NKAIN2: variants seen among roughly 807,000 people sequenced by gnomAD.
NKAIN2 encodes the protein sodium/potassium-transporting ATPase subunit beta-1-interacting protein 2.
NKAIN2 carries 14 observed loss-of-function variants against 32.6 expected under a neutral mutation model. The observed-to-expected ratio is 0.43, with a 90% CI of 0.28 to 0.67. NKAIN2 has a LOEUF of 0.67. NKAIN2 is among the 30% of genes least tolerant of loss of function. The pLI, the probability that NKAIN2 is intolerant of heterozygous loss-of-function variation, is 0.17. For missense variants in NKAIN2, 198 were observed against 258.3 expected (o/e 0.77, Z 1.60); for synonymous variants, 80 against 87.2 (o/e 0.92, Z 0.46).
At chr6:124,671,673 C>A (rs922513512) in intron 4 of NKAIN2, among the ~76,000 whole-genome samples, 9 of 152,048 alleles carry the variant, frequency 5.9e-5, no homozygotes, top group African/African-American at 2.2e-4. Context: ...CTATATAGAG[C>A]CTCATGATAA....
chr6:124,770,435 A>G (rs922318192), intron 4 of NKAIN2, among the ~76,000 whole-genome samples: 42 of 152,228 alleles, frequency 2.8e-4, no homozygotes, highest in Admixed American at 5.9e-4. Flanking sequence ...ATCTGTGTAC[A>G]ATGTGCTGAA....
chr6:124,570,272 A>G (rs1781077160), intron 3 of NKAIN2, among the ~76,000 whole-genome samples: 1 of 152,216 alleles, frequency 6.6e-6, no homozygotes, highest in African/African-American at 2.4e-5. Flanking sequence ...AGTAAAGAAA[A>G]GCCCATTTTT....
intron 3 of NKAIN2, among the ~76,000 whole-genome samples, chr6:124,519,494 A>G (rs904419285): frequency 1.8e-4 from 28 of 152,200 alleles, no homozygotes; most frequent in Non-Finnish European, 3.5e-4. Flanking sequence ...ATGAGTTAAA[A>G]TCTTATATTC....
intron 1 of NKAIN2, among the ~76,000 whole-genome samples, chr6:124,054,854 T>C (rs1782577175): frequency 6.6e-6 from 1 of 152,046 alleles, no homozygotes; most frequent in African/African-American, 2.4e-5. Flanking sequence ...GCCCTTCCTC[T>C]GGCTTGGTTA....
intron 4 of NKAIN2, among the ~76,000 whole-genome samples, chr6:124,669,330 T>A (rs1341867023): frequency 6.6e-6 from 1 of 152,066 alleles, no homozygotes; most frequent in Non-Finnish European, 1.5e-5. Flanking sequence ...CATACAGGGG[T>A]GAGTCAAAGT....
intron 1 of NKAIN2, among the ~76,000 whole-genome samples, chr6:124,281,574 A>AT (rs1335818490): frequency 1.3e-5 from 2 of 152,300 alleles, no homozygotes; most frequent in East Asian, 3.9e-4. Flanking sequence ...GGTATAACAA[A>AT]TCAAGGTTCT....
chr6:123,806,709 C>T (rs1773230551), intron 1 of NKAIN2, among the ~76,000 whole-genome samples: 1 of 151,898 alleles, frequency 6.6e-6, no homozygotes, highest in African/African-American at 2.4e-5. Context: ...TTGTTTACTT[C>T]TCAAGTGTTT....
intron 1 of NKAIN2, among the ~76,000 whole-genome samples, chr6:124,179,858 TG>T (rs556439149): frequency 6.6e-6 from 1 of 152,222 alleles, no homozygotes; most frequent in Non-Finnish European, 1.5e-5. Context: ...TTGAAGATGT[TG>T]GTTGTCATTT....
intron 3 of NKAIN2, among the ~76,000 whole-genome samples, chr6:124,554,329 G>A (rs550716261): frequency 1.2e-4 from 18 of 152,246 alleles, no homozygotes; most frequent in South Asian, 6.2e-4. Flanking sequence ...CTGTTCTCCC[G>A]GTGTGAAATG....
At chr6:123,883,198 A>G (rs1039038888) in intron 1 of NKAIN2, among the ~76,000 whole-genome samples, 36 of 151,892 alleles carry the variant, frequency 2.4e-4, no homozygotes, top group Admixed American at 1.8e-3. Context: ...AGGCTGGAGT[A>G]CAGTGGCGTG....
chr6:123,940,676 T>G (rs987332390), intron 1 of NKAIN2, among the ~76,000 whole-genome samples: 6 of 151,970 alleles, frequency 3.9e-5, no homozygotes, highest in Admixed American at 2.0e-4. Flanking sequence ...TATAAAAGAT[T>G]TAAAATGGTA....
chr6:124,746,673 T>C (rs1030267862), intron 4 of NKAIN2, among the ~76,000 whole-genome samples: 24 of 152,042 alleles, frequency 1.6e-4, no homozygotes, highest in African/African-American at 5.5e-4. Flanking sequence ...TTTTCATTTA[T>C]TTTATACCTT....
intron 1 of NKAIN2, among the ~76,000 whole-genome samples, chr6:124,272,087 T>C (rs758989572): frequency 2.0e-5 from 3 of 152,210 alleles, no homozygotes; most frequent in Non-Finnish European, 4.4e-5. Flanking sequence ...ATTTGCAGCC[T>C]GATAATGCAG....
intron 3 of NKAIN2, among the ~76,000 whole-genome samples, chr6:124,386,436 T>C (rs1772905432): frequency 6.6e-6 from 1 of 152,136 alleles, no homozygotes; most frequent in Admixed American, 6.6e-5. Flanking sequence ...TAACCATTGC[T>C]CTGATTGTGC....
chr6:124,038,653 A>G (rs991289313), intron 1 of NKAIN2, among the ~76,000 whole-genome samples: 4 of 152,182 alleles, frequency 2.6e-5, no homozygotes, highest in Non-Finnish European at 4.4e-5. Context: ...GGCACATATA[A>G]TTACACAATC....
chr6:124,285,673 C>T (rs1253018631), intron 2 of NKAIN2, among the ~76,000 whole-genome samples: 2 of 152,088 alleles, frequency 1.3e-5, no homozygotes, highest in African/African-American at 4.8e-5. Flanking sequence ...CAACAAACTA[C>T]AGTTGACCCT....
intron 2 of NKAIN2, among the ~76,000 whole-genome samples, chr6:124,349,297 C>T (rs569205599): frequency 2.6e-5 from 4 of 152,034 alleles, no homozygotes; most frequent in South Asian, 2.1e-4. Flanking sequence ...CCTGCTCCCC[C>T]CTACAAAGGC....
chr6:124,301,101 C>G (rs994693530), intron 2 of NKAIN2, among the ~76,000 whole-genome samples: 1 of 152,026 alleles, frequency 6.6e-6, no homozygotes, highest in African/African-American at 2.4e-5. Context: ...GTTTCCTGGC[C>G]CAGTCCAGGG....
chr6:124,733,369 C>T (rs1776779398), intron 4 of NKAIN2, among the ~76,000 whole-genome samples: 1 of 151,652 alleles, frequency 6.6e-6, no homozygotes, highest in African/African-American at 2.4e-5. Flanking sequence ...CAGACTGTGA[C>T]AAGAGAGTCT....
Sources: allele counts gnomAD v4.1 joint callset (sites outside exome capture counted in the v4.1 genomes callset), GRCh38; gene constraint gnomAD v4.1.1; transcripts MANE v1.5; gene names NCBI Gene and HGNC (gene_info 2026-07-23, HGNC 2026-07-21).